Variants in GNA15 observed in about 807,000 individuals in gnomAD.
GNA15 encodes guanine nucleotide-binding protein subunit alpha-15.
In GNA15, 23 loss-of-function variants were observed where a neutral mutation model predicts 40.1. That is an observed-to-expected ratio of 0.57 (90% CI 0.41 to 0.81). The LOEUF (loss-of-function observed/expected upper bound fraction) is 0.81, where lower values mean the gene tolerates loss of function less well. Among genes scored for constraint, GNA15 ranks in the 40% least tolerant of loss-of-function variants. The pLI is 0.00. For synonymous variants in GNA15, 226 were observed against 210.4 expected (o/e 1.07, Z -0.64); for missense variants, 522 against 515.8 (o/e 1.01, Z -0.12).
chr19:3,153,890 T>G (rs1379393295), intron 4 of GNA15, among the ~76,000 whole-genome samples: 2 of 150,508 alleles, frequency 1.3e-5, no homozygotes, highest in African/African-American at 4.9e-5. Context: ...GATGAGTGGA[T>G]GGGGGTGTGG....
intron 4 of GNA15, among the ~76,000 whole-genome samples, chr19:3,152,128 C>G (rs975104427): frequency 2.0e-5 from 3 of 152,022 alleles, no homozygotes; most frequent in African/African-American, 7.3e-5. Flanking sequence ...TAGTCCTAAC[C>G]CTGAAGGGGC....
rs1359800474 is a variant in GNA15 at position 3,151,041 on chromosome 19, G to C, written c.486-666G>C. Among the ~76,000 whole-genome samples, 1 of 151,014 alleles carries C rather than the reference G, an allele frequency of 6.6e-6. No individual in the cohort carries two copies. The highest frequency in any genetic ancestry group is 2.0e-4 in the East Asian group (1 of 5,128). The stretch of plus-strand genomic sequence containing the variant: ...TCCTAGAGTGACCCTGTTCTTGGAG[G>C]GACCCTGTTCCTGGGGGGACCTTGT... On this transcript the variant is annotated intron_variant, in intron 3 of 6. Coordinates refer to ENST00000262958, the MANE Select transcript of GNA15 (RefSeq NM_002068.4). The surrounding 1 kb of genome is among the most constrained non-coding windows in gnomAD (Gnocchi z 5.0).
rs2074864 is a variant in GNA15, at chr19:3,155,738, T to C, written c.615-85T>C. 0.29 allele frequency: 416,005 copies of C among 1,455,728 alleles called. 61,900 individuals carry two copies. Among genetic ancestry groups the C allele is most frequent in the Middle Eastern group, 0.33 (1,843 of 5,572 alleles). 90.2% of individuals were successfully genotyped at this position (1,455,728 alleles called of 1,614,324 possible). A position where few individuals can be genotyped will look rare whatever the true frequency, so the allele number is the denominator to read the frequency against. ...TTCTTGCTGTCGCTATTATGGATCTTGGCATATCCCAGACGTGATGGGGGT... is the reference window on the plus strand; with the variant it reads ...TTCTTGCTGTCGCTATTATGGATCTCGGCATATCCCAGACGTGATGGGGGT... On this transcript the variant is annotated intron_variant, in intron 4 of 6. Transcript: ENST00000262958. The surrounding 1 kb of genome is among the most constrained non-coding windows in gnomAD (Gnocchi z 5.6).
Position 3,148,079 on chromosome 19 carries a change from T to G in GNA15, c.146-512T>G, listed in dbSNP as rs542211648. Among the ~76,000 whole-genome samples the G allele has an allele frequency of 6.7e-3, 1,012 of 151,838 alleles. 15 individuals carry two copies. The highest frequency in any genetic ancestry group is 0.024 in the African/African-American group (973 of 41,376). ...GTCTGTTGAGGTCCATGTTTTGTTT[T>G]TTTTGTTTGTTTGTTTTGTTTTTTT... On this transcript the variant is annotated intron_variant, in intron 1 of 6. Coordinates refer to ENST00000262958, the MANE Select transcript of GNA15 (RefSeq NM_002068.4).
At chr19:3,146,794 C>T (rs1002793682) in intron 1 of GNA15, among the ~76,000 whole-genome samples, 4 of 152,008 alleles carry the variant, frequency 2.6e-5, no homozygotes, top group African/African-American at 9.7e-5. Context: ...GCACCTGAGT[C>T]AGGGCCAGTC....
Position 3,141,213 on chromosome 19 carries a change from C to T in GNA15, c.145+4618C>T, listed in dbSNP as rs566303536. 4.0e-5 allele frequency among the ~76,000 whole-genome samples: 6 copies of T among 151,816 alleles called. No homozygotes were observed. In the East Asian group the frequency reaches 7.7e-4, roughly 20 times the overall value. ...GCACATACCTGTAGTCCCAGTTACTCGGGAGGCTAAGGCAGGAGGATTGCT... is the reference window on the plus strand; with the variant it reads ...GCACATACCTGTAGTCCCAGTTACTTGGGAGGCTAAGGCAGGAGGATTGCT... On this transcript the variant is annotated intron_variant, in intron 1 of 6. Coordinates refer to ENST00000262958, the MANE Select transcript of GNA15 (RefSeq NM_002068.4).
At chr19:3,149,025 A>T in intron 2 of GNA15, 1 of 456,382 alleles carries the variant, frequency 2.2e-6, no homozygotes, top group Non-Finnish European at 3.8e-6. Flanking sequence ...ACAGACATGC[A>T]CACAAGGACA....
Position 3,156,493 on chromosome 19 carries a change from C to T in GNA15, c.744+541C>T, listed in dbSNP as rs375779606. 1.4e-4 allele frequency among the ~76,000 whole-genome samples: 21 copies of T among 151,974 alleles called. No homozygotes were observed. The East Asian group carries it at 3.5e-3, about 25-fold the overall frequency. Reference sequence around the variant, plus strand: ...GCACACACACGCACACACAGGCACACAGGCACACACATGCGTGCACACACA... The same window carrying T: ...GCACACACACGCACACACAGGCACATAGGCACACACATGCGTGCACACACA... On this transcript the variant is annotated intron_variant, in intron 5 of 6. Coordinates refer to ENST00000262958, the MANE Select transcript of GNA15 (RefSeq NM_002068.4).
In GNA15 at chr19:3,151,883, G is replaced by A; in HGVS notation, c.614+48G>A. On this transcript the variant is annotated intron_variant, in intron 4 of 6. Transcript: ENST00000262958. The surrounding 1 kb of genome is among the most constrained non-coding windows in gnomAD (Gnocchi z 5.0). ...GCCTAGGGGGCAGGGAAGGCTTCCTGTAGGAAGGGCAAAGGAGCTGGGGCC... is the reference window on the plus strand; with the variant it reads ...GCCTAGGGGGCAGGGAAGGCTTCCTATAGGAAGGGCAAAGGAGCTGGGGCC... 3.5e-6 allele frequency: 5 copies of A among 1,445,644 alleles called. No individual in the cohort carries two copies. In the South Asian group the frequency reaches 5.0e-5, roughly 14 times the overall value. The allele number at this position is 1,445,644 out of a possible 1,614,324, so 89.6% of individuals were successfully genotyped here. A position where few individuals can be genotyped will look rare whatever the true frequency, so the allele number is the denominator to read the frequency against.
rs1426765241 is a variant in GNA15 at position 3,136,217 on chromosome 19, C to T, written c.-234C>T. On this transcript the variant is annotated 5_prime_UTR_variant, in exon 1 of 7. Coordinates refer to ENST00000262958, the MANE Select transcript of GNA15 (RefSeq NM_002068.4). This position sits in a 1 kb window ranked among gnomAD's most constrained non-coding sequence, Gnocchi z 4.9. ...CGGGGAGCCCTGGCCTCCCCACCTC[C>T]TCCCGTCCCCACCCTGTTCCCAGCA... 1.0e-5 allele frequency: 5 copies of T among 484,104 alleles called. No homozygotes were observed. Among genetic ancestry groups the T allele is most frequent in the African/African-American group, 2.1e-5 (1 of 48,410 alleles). The allele number at this position is 484,104 out of a possible 1,614,324, so 30.0% of individuals were successfully genotyped here.
At position 3,136,126 on chromosome 19, in the gene GNA15, T is replaced by A; in HGVS notation, c.-325T>A. ...CCCCGCCCTCCCTGGGGCCCCCACC[T>A]CACCCTCTCCTGGCACCCTTCACCG... On this transcript the variant is annotated 5_prime_UTR_variant, in exon 1 of 7. Coordinates refer to ENST00000262958, the MANE Select transcript of GNA15 (RefSeq NM_002068.4). This position sits in a 1 kb window ranked among gnomAD's most constrained non-coding sequence, Gnocchi z 4.9. 1.7e-5 allele frequency: 3 copies of A among 176,678 alleles called. No individual in the cohort carries two copies. Among genetic ancestry groups the A allele is most frequent in the Non-Finnish European group, 3.5e-5 (3 of 85,164 alleles). 10.9% of individuals were successfully genotyped at this position (176,678 alleles called of 1,614,324 possible).
intron 3 of GNA15, 50 bp downstream of exon 3, chr19:3,150,335 AGGGGC>A (rs1914850871): frequency 6.8e-7 from 1 of 1,459,998 alleles, no homozygotes; most frequent in African/African-American, 1.4e-5. Flanking sequence ...GGCTGAGGGC[AGGGGC>A]CAGGCTGGCT....
At chr19:3,143,156 A>G (rs114337880) in intron 1 of GNA15, 70,661 of 151,890 alleles carry the variant, frequency 0.47, 16,797 homozygotes, top group African/African-American at 0.51. Context: ...TGTGACCCAA[A>G]TTAAGTCACT....
chr19:3,160,524 T>A (rs376634198), intron 6 of GNA15, among the ~76,000 whole-genome samples: 48 of 152,270 alleles, frequency 3.2e-4, no homozygotes, highest in African/African-American at 9.9e-4. Flanking sequence ...ATCACTCATA[T>A]CAGCCCGGAT....
intron 1 of GNA15, among the ~76,000 whole-genome samples, chr19:3,139,763 C>T (rs550924920): frequency 1.3e-4 from 19 of 151,948 alleles, no homozygotes; most frequent in Middle Eastern, 3.4e-3. Flanking sequence ...GGGCTGGGTG[C>T]GGTGGCTCAC....
chr19:3,154,461 G>A (rs1914961574), intron 4 of GNA15, among the ~76,000 whole-genome samples: 1 of 149,994 alleles, frequency 6.7e-6, no homozygotes, highest in Non-Finnish European at 1.5e-5. Context: ...GGATGGATGG[G>A]TAGCTGGGTA....
At chr19:3,153,259 A>T (rs1472457758) in intron 4 of GNA15, among the ~76,000 whole-genome samples, 1 of 39,610 alleles carries the variant, frequency 2.5e-5, no homozygotes, top group Non-Finnish European at 1.0e-4. Flanking sequence ...GGAATCTTTA[A>T]AAAAAAAAAA....
chr19:3,146,901 C>G (rs1030670045), intron 1 of GNA15, among the ~76,000 whole-genome samples: 4 of 152,100 alleles, frequency 2.6e-5, no homozygotes, highest in African/African-American at 9.7e-5. Context: ...ACCCACCCTC[C>G]CCTCCTTCCT....
chr19:3,146,847 G>A (rs1044030639), intron 1 of GNA15, among the ~76,000 whole-genome samples: 2 of 151,970 alleles, frequency 1.3e-5, no homozygotes, highest in Admixed American at 1.3e-4. Context: ...AGTCCCTCAG[G>A]GTCAAAGCCC....
Sources: gnomAD v4.1 joint callset for allele counts (sites outside exome capture counted in the v4.1 genomes callset) on GRCh38, gnomAD v4.1.1 for gene constraint, Gnocchi (gnomAD v3.1) non-coding constraint, MANE v1.5 for transcripts, NCBI Gene and HGNC (gene_info 2026-07-23, HGNC 2026-07-21) for gene names.